The following ZMAT4 variants were observed in gnomAD, a reference collection of about 807,000 sequenced individuals.
ZMAT4 encodes the protein zinc finger matrin-type 4, also known as zinc finger matrin-type protein 4.
In ZMAT4, 17 loss-of-function variants were observed where a neutral mutation model predicts 28.7. The observed-to-expected ratio is 0.59, with a 90% CI of 0.41 to 0.89. The LOEUF (loss-of-function observed/expected upper bound fraction) is 0.89. Ranked by LOEUF, ZMAT4 falls within the 40% of genes least tolerant of loss-of-function variation. The probability of loss-of-function intolerance (pLI) is 0.00; values close to 1 mark genes in which losing one functional copy is unlikely to be tolerated. For missense variants in ZMAT4, 240 were observed against 283.8 expected (o/e 0.85, Z 1.11); for synonymous variants, 117 against 109.2 (o/e 1.07, Z -0.44).
chr8:40,751,960 G>A (rs146406402), intron 3 of ZMAT4, among the ~76,000 whole-genome samples: 53 of 152,196 alleles, frequency 3.5e-4, no homozygotes, highest in Admixed American at 7.9e-4. Context: ...AAAGTCTAAC[G>A]CTGTGATCTC....
At chr8:40,839,925 T>TAAAA (rs1816644013) in intron 1 of ZMAT4, among the ~76,000 whole-genome samples, 1 of 152,218 alleles carries the variant, frequency 6.6e-6, no homozygotes, top group East Asian at 1.9e-4. Context: ...ACCCCATACA[T>TAAAA]TTGTATGAAT....
At chr8:40,662,964 C>T (rs536815994) in intron 5 of ZMAT4, among the ~76,000 whole-genome samples, 4 of 152,306 alleles carry the variant, frequency 2.6e-5, no homozygotes, top group Admixed American at 6.5e-5. Flanking sequence ...TGCATGAATT[C>T]GATTTGGTCT....
chr8:40,600,061 A>C (rs906187961), intron 5 of ZMAT4, among the ~76,000 whole-genome samples: 2 of 152,216 alleles, frequency 1.3e-5, no homozygotes, highest in African/African-American at 4.8e-5. Context: ...TGTCATCTCA[A>C]GACAGGCATC....
chr8:40,699,587 A>G (rs1810041070), intron 3 of ZMAT4, among the ~76,000 whole-genome samples: 1 of 90,374 alleles, frequency 1.1e-5, no homozygotes, highest in African/African-American at 3.9e-5. Flanking sequence ...GGATAAAGAA[A>G]ATGTAAATGC....
chr8:40,639,051 C>G (rs903646010), intron 5 of ZMAT4, among the ~76,000 whole-genome samples: 1 of 152,216 alleles, frequency 6.6e-6, no homozygotes, highest in African/African-American at 2.4e-5. Flanking sequence ...TCCAGCCAAC[C>G]TTCGGCCAGG....
chr8:40,573,174 A>G (rs978255330), intron 6 of ZMAT4, among the ~76,000 whole-genome samples: 47 of 152,296 alleles, frequency 3.1e-4, no homozygotes, highest in African/African-American at 1.1e-3. Context: ...TCACCAGGGC[A>G]GGCATTGTAA....
At chr8:40,825,030 G>A (rs1002723550) in intron 2 of ZMAT4, among the ~76,000 whole-genome samples, 24 of 152,302 alleles carry the variant, frequency 1.6e-4, no homozygotes, top group African/African-American at 5.1e-4. Context: ...AAGAGTATTT[G>A]CACTTTAAGA....
chr8:40,805,142 A>G (rs529460685), intron 2 of ZMAT4, among the ~76,000 whole-genome samples: 3 of 152,320 alleles, frequency 2.0e-5, no homozygotes, highest in African/African-American at 7.2e-5. Flanking sequence ...GGCGAAGGAC[A>G]TGACTCAAAA....
intron 3 of ZMAT4, among the ~76,000 whole-genome samples, chr8:40,714,809 G>C (rs1211110627): frequency 1.3e-5 from 2 of 152,118 alleles, no homozygotes; most frequent in African/African-American, 2.4e-5. Context: ...CCAGCACTTT[G>C]GGAGGCCAAG....
intron 1 of ZMAT4, among the ~76,000 whole-genome samples, chr8:40,875,204 A>T (rs1219248261): frequency 6.6e-6 from 1 of 152,092 alleles, no homozygotes; most frequent in East Asian, 1.9e-4. Context: ...GGCAAACATA[A>T]TTGACCCCTT....
intron 3 of ZMAT4, among the ~76,000 whole-genome samples, chr8:40,737,438 A>G (rs1811817150): frequency 6.6e-6 from 1 of 152,222 alleles, no homozygotes; most frequent in African/African-American, 2.4e-5. Flanking sequence ...AAGTGGTCAG[A>G]AATAGAAGGA....
intron 3 of ZMAT4, among the ~76,000 whole-genome samples, chr8:40,730,360 T>C (rs1309493356): frequency 4.6e-5 from 7 of 152,232 alleles, no homozygotes; most frequent in Admixed American, 4.6e-4. Context: ...AAAACTGTGA[T>C]TGAAGATGAA....
At chr8:40,673,001 T>A (rs1314441604) in intron 5 of ZMAT4, among the ~76,000 whole-genome samples, 1 of 152,208 alleles carries the variant, frequency 6.6e-6, no homozygotes, top group Admixed American at 6.5e-5. Context: ...TTTGCTCTTT[T>A]TTTGTTGTTT....
At chr8:40,763,574 A>G (rs4129325) in intron 3 of ZMAT4, among the ~76,000 whole-genome samples, 24,454 of 152,214 alleles carry the variant, frequency 0.16, 3,133 homozygotes, top group East Asian at 0.6. Context: ...TTACAAGGCC[A>G]AAAAATAAGA....
chr8:40,832,465 G>A lies in ZMAT4; in HGVS notation c.-4-6785C>T, dbSNP rs552069022. ...ACGTGGCCTGACACCTCGAAAAGCC[G>A]CTGTGCCCTCTGCCGAGTCCTGCTG... On this transcript the variant is annotated intron_variant, in intron 1 of 6. Transcript: ENST00000297737. Among the ~76,000 whole-genome samples the A allele has an allele frequency of 3.9e-5, 6 of 152,156 alleles. No individual in the cohort carries two copies. In the South Asian group the frequency reaches 8.3e-4, roughly 21 times the overall value.
In ZMAT4 at chr8:40,532,004, C is replaced by A; in HGVS notation, c.*219G>T. On this transcript the variant is annotated 3_prime_UTR_variant, in exon 7 of 7. Coordinates refer to ENST00000297737, the MANE Select transcript of ZMAT4 (RefSeq NM_024645.3). ...GTTATCAGGAAAGAATTTAAAAATCCATCCAAATATCATAACTTACCCCAA... is the reference window on the plus strand; with the variant it reads ...GTTATCAGGAAAGAATTTAAAAATCAATCCAAATATCATAACTTACCCCAA... The A allele has an allele frequency of 2.6e-6, 1 of 387,276 alleles. No individual in the cohort carries two copies. The highest frequency in any genetic ancestry group is 4.6e-6 in the Non-Finnish European group (1 of 219,592). The allele number at this position is 387,276 out of a possible 1,614,324, so 24.0% of individuals were successfully genotyped here. A position where few individuals can be genotyped will look rare whatever the true frequency, so the allele number is the denominator to read the frequency against.
At chr8:40,686,497 A>T (rs965011556) in intron 4 of ZMAT4, among the ~76,000 whole-genome samples, 5 of 151,974 alleles carry the variant, frequency 3.3e-5, no homozygotes, top group African/African-American at 9.7e-5. Context: ...AGCCTGGCAT[A>T]GTGATGCACG....
intron 4 of ZMAT4, among the ~76,000 whole-genome samples, chr8:40,676,312 T>C (rs919105392): frequency 2.0e-5 from 3 of 152,200 alleles, no homozygotes; most frequent in African/African-American, 4.8e-5. Context: ...CTATTTCATA[T>C]AGGATTTCAT....
At chr8:40,595,517 A>G (rs1354635875) in intron 5 of ZMAT4, among the ~76,000 whole-genome samples, 1 of 152,154 alleles carries the variant, frequency 6.6e-6, no homozygotes, top group Non-Finnish European at 1.5e-5. Context: ...TTACCTACAC[A>G]CTTAGGCTAT....
Sources: gnomAD v4.1 joint callset for allele counts (sites outside exome capture counted in the v4.1 genomes callset) on GRCh38, gnomAD v4.1.1 for gene constraint, MANE v1.5 for transcripts, NCBI Gene and HGNC (gene_info 2026-07-23, HGNC 2026-07-21) for gene names.